ABR: variants seen among roughly 807,000 people sequenced by gnomAD.
ABR encodes the protein active breakpoint cluster region-related protein.
A neutral mutation model predicts 107.2 loss-of-function variants in ABR; 35 were observed. The ratio of observed to expected loss-of-function variants is 0.33; its 90% CI spans 0.25 to 0.43. ABR has a LOEUF of 0.43. ABR is among the 20% of genes least tolerant of loss of function. The probability of loss-of-function intolerance (pLI) is 1.00; values close to 1 mark genes in which losing one functional copy is unlikely to be tolerated. For missense variants in ABR, 815 were observed against 1,115.2 expected, an observed-to-expected ratio of 0.73 and a Z score of 3.83; for synonymous variants, 498 against 462.0, an observed-to-expected ratio of 1.08 and a Z score of -1.00.
chr17:1,032,215 C>A (rs141414212), intron 16 of ABR, among the ~76,000 whole-genome samples: 2 of 152,232 alleles, frequency 1.3e-5, no homozygotes, highest in East Asian at 3.9e-4. Flanking sequence ...CCCTCCTCCC[C>A]GGGCAAAAGA....
chr17:1,150,638 G>C lies in ABR; in HGVS notation c.62-25271C>G, dbSNP rs533921384. ...CCTAGATCTGAGCTCCTTCCTGGGA[G>C]TCCAGGGCCCTTCACAAGTTTGGGT... is the stretch of plus-strand genomic sequence containing the variant. On this transcript the variant is annotated intron_variant, in intron 1 of 22. Transcript: ENST00000302538. The surrounding 1 kb of genome is among the most constrained non-coding windows in gnomAD (Gnocchi z 4.8). Among the ~76,000 whole-genome samples, 8 of 152,340 alleles carry C rather than the reference G, an allele frequency of 5.3e-5. No homozygotes were observed. The highest frequency in any genetic ancestry group is 1.9e-4 in the African/African-American group (8 of 41,576).
chr17:1,106,782 A>G (rs2038282586), intron 2 of ABR, among the ~76,000 whole-genome samples: 1 of 152,146 alleles, frequency 6.6e-6, no homozygotes, highest in Non-Finnish European at 1.5e-5. Context: ...CGCCCACCTC[A>G]GCCTCCCAAA....
chr17:1,012,094 G>T, intron 18 of ABR, 109 bp from the exon 19 acceptor site: 1 of 1,555,154 alleles, frequency 6.4e-7, no homozygotes, highest in Non-Finnish European at 8.8e-7. Context: ...ATTTGGGATG[G>T]AGAGCTGGGG....
At chr17:1,183,537 C>G (rs150042736), upstream of ABR, among the ~76,000 whole-genome samples, 967 of 152,316 alleles carry the variant, frequency 6.3e-3, 7 homozygotes, top group Non-Finnish European at 9.7e-3. Context: ...GCCTCTCCAA[C>G]GACCAACTCT....
At chr17:1,163,524 G>A (rs1283131486) in intron 1 of ABR, among the ~76,000 whole-genome samples, 1 of 147,018 alleles carries the variant, frequency 6.8e-6, no homozygotes, top group African/African-American at 2.5e-5. Context: ...CAGTGAACAT[G>A]GATGTCGGAG....
chr17:1,048,882 C>T (rs886797537), intron 16 of ABR, among the ~76,000 whole-genome samples: 3 of 152,366 alleles, frequency 2.0e-5, no homozygotes, highest in East Asian at 1.9e-4. Context: ...CGAGGCTCAA[C>T]CTCAGTACGG....
In ABR at chr17:1,011,052, A is replaced by G; in HGVS notation, c.2102-189T>C. The G allele has an allele frequency of 2.9e-6, 2 of 682,534 alleles. No individual in the cohort carries two copies. Among genetic ancestry groups the G allele is most frequent in the Non-Finnish European group, 4.8e-6 (2 of 412,372 alleles). 42.3% of individuals were successfully genotyped at this position (682,534 alleles called of 1,614,324 possible). On this transcript the variant is annotated intron_variant, in intron 19 of 22. Coordinates refer to ENST00000302538, the MANE Select transcript of ABR (RefSeq NM_021962.5). This position sits in a 1 kb window ranked among gnomAD's most constrained non-coding sequence, Gnocchi z 4.8. ...GTGGGTCGGGGTTGGGGGAACAGGGAGAGATAGCCTGGGGGCCATCTGCTG... is the reference window on the plus strand; with the variant it reads ...GTGGGTCGGGGTTGGGGGAACAGGGGGAGATAGCCTGGGGGCCATCTGCTG...
intron 16 of ABR, among the ~76,000 whole-genome samples, chr17:1,038,992 C>T (rs533797082): frequency 3.9e-5 from 6 of 152,308 alleles, no homozygotes; most frequent in South Asian, 4.1e-4. Context: ...CTGAATGCCA[C>T]GGACCCGAGA....
intron 16 of ABR, among the ~76,000 whole-genome samples, chr17:1,038,197 G>A (rs986270310): frequency 2.0e-5 from 3 of 152,110 alleles, no homozygotes; most frequent in Admixed American, 6.5e-5. Context: ...ACACCTCAGC[G>A]CCCCGCCCTC....
At chr17:1,057,308 TTGTG>T (rs750525310) in intron 12 of ABR, among the ~76,000 whole-genome samples, 743 of 67,780 alleles carry the variant, frequency 0.011, 6 homozygotes, top group Non-Finnish European at 0.015. Flanking sequence ...CTGAAGAGGT[TTGTG>T]TGTGTGTGTG....
chr17:1,153,223 A>G (rs2040871939), intron 1 of ABR, among the ~76,000 whole-genome samples: 1 of 152,052 alleles, frequency 6.6e-6, no homozygotes, highest in Non-Finnish European at 1.5e-5. Flanking sequence ...CTTCCCCCAC[A>G]ACTAGGCAGA....
intron 2 of ABR, among the ~76,000 whole-genome samples, chr17:1,118,053 GCGTT>G (rs2039120367): frequency 2.3e-5 from 1 of 44,358 alleles, no homozygotes; most frequent in African/African-American, 8.2e-5. Context: ...GTTCCTCCCA[GCGTT>G]ATCCCTGAGC....
At chr17:1,177,228 G>A (rs766448410) in intron 1 of ABR, among the ~76,000 whole-genome samples, 44 of 152,336 alleles carry the variant, frequency 2.9e-4, no homozygotes, top group Non-Finnish European at 6.2e-4. Context: ...TTAGGCTCTT[G>A]TCAAGAGGAA....
At position 1,175,151 on chromosome 17, in the gene ABR, C is replaced by T. The variant is rs552207836; in HGVS notation, c.61+4516G>A. ...ACATGGCCGGGCGCAGGGGCTCACG[C>T]CTGTCATCCCAGCACTTTGGGAAGC... On this transcript the variant is annotated intron_variant, in intron 1 of 22. Transcript: ENST00000302538. Among the ~76,000 whole-genome samples, 43 of 152,368 alleles carry T rather than the reference C, an allele frequency of 2.8e-4. 1 individual carries two copies. Among genetic ancestry groups the T allele is most frequent in the African/African-American group, 1.0e-3 (42 of 41,584 alleles).
At chr17:1,161,229 C>T (rs955008420) in intron 1 of ABR, among the ~76,000 whole-genome samples, 47 of 151,406 alleles carry the variant, frequency 3.1e-4, no homozygotes, top group African/African-American at 1.7e-4. Flanking sequence ...TGGAAATCCC[C>T]GTCACCCACA....
At chr17:1,059,092 T>C (rs2033652482) in intron 10 of ABR, among the ~76,000 whole-genome samples, 1 of 152,094 alleles carries the variant, frequency 6.6e-6, no homozygotes, top group Non-Finnish European at 1.5e-5. Context: ...TGAGCACAGC[T>C]TTCATACACA....
At position 1,021,675 on chromosome 17, in the gene ABR, G is replaced by A. The variant is rs897118550; in HGVS notation, c.1792-8511C>T. Among the ~76,000 whole-genome samples the A allele has an allele frequency of 7.2e-5, 11 of 151,998 alleles. No homozygotes were observed. In the East Asian group the frequency reaches 9.7e-4, roughly 13 times the overall value. On this transcript the variant is annotated intron_variant, in intron 16 of 22. Transcript: ENST00000302538. ...AAAAATTAGCCAGGCGTGGTGGCGG[G>A]TGCCTGTAATCCCAGCTACTGGGGA...
chr17:1,179,599 G>C lies in ABR; in HGVS notation c.61+68C>G. ...TCTTGGGGTCCCGATCCCGATCCTG[G>C]GGTCCCGATCTCCATCCTGGGGTCC... On this transcript the variant is annotated intron_variant, in intron 1 of 22. Transcript: ENST00000302538. This position sits in a 1 kb window ranked among gnomAD's most constrained non-coding sequence, Gnocchi z 4.9. 2 of 1,401,972 alleles carry C rather than the reference G, an allele frequency of 1.4e-6. No individual in the cohort carries two copies. Among genetic ancestry groups the C allele is most frequent in the Admixed American group, 5.4e-5 (2 of 36,902 alleles). The allele number at this position is 1,401,972 out of a possible 1,614,324, so 86.8% of individuals were successfully genotyped here.
intron 4 of ABR, among the ~76,000 whole-genome samples, chr17:1,086,021 C>T (rs2151271885): frequency 6.6e-6 from 1 of 152,240 alleles, no homozygotes; most frequent in South Asian, 2.1e-4. Flanking sequence ...TGGCACGCAT[C>T]TGTAGTCCCA....
Sources: allele counts gnomAD v4.1 joint callset (sites outside exome capture counted in the v4.1 genomes callset), GRCh38; gene constraint gnomAD v4.1.1; non-coding constraint Gnocchi (gnomAD v3.1); transcripts MANE v1.5; gene names NCBI Gene and HGNC (gene_info 2026-07-23, HGNC 2026-07-21).